Variants in RMDN3 observed in about 807,000 individuals in gnomAD.
RMDN3 encodes the protein regulator of microtubule dynamics protein 3.
In RMDN3, 41 loss-of-function variants were observed where a neutral mutation model predicts 61.8. That is an observed-to-expected ratio of 0.66 (90% CI 0.52 to 0.86). The LOEUF (loss-of-function observed/expected upper bound fraction) is 0.86. RMDN3 is among the 40% of genes least tolerant of loss of function. RMDN3 has a pLI of 0.00. For missense variants in RMDN3, 557 were observed against 585.3 expected, an observed-to-expected ratio of 0.95 and a Z score of 0.50; for synonymous variants, 247 against 232.0, an observed-to-expected ratio of 1.06 and a Z score of -0.59.
In RMDN3 at chr15:40,742,292, GCCA is replaced by G. The variant is rs1897316078; in HGVS notation, c.910+1752_910+1754del. Among the ~76,000 whole-genome samples, 3 of 151,372 alleles carry G rather than the reference GCCA, an allele frequency of 2.0e-5. No homozygotes were observed. In the South Asian group the frequency reaches 6.2e-4, roughly 31 times the overall value. On this transcript the variant is annotated intron_variant, in intron 6 of 12. Coordinates refer to ENST00000338376, the MANE Select transcript of RMDN3 (RefSeq NM_018145.3). ...CAAAGTGCTAGGATTATAGGCATGA[GCCA>G]CCACACCTGGCCACAAATGCATTCT...
intron 6 of RMDN3, among the ~76,000 whole-genome samples, chr15:40,743,475 T>C (rs1321698583): frequency 6.6e-6 from 1 of 152,002 alleles, no homozygotes; most frequent in African/African-American, 2.4e-5. Flanking sequence ...CCATTACCCA[T>C]TGATGGTACC....
chr15:40,736,888 T>G (rs1897072607), intron 12 of RMDN3, among the ~76,000 whole-genome samples: 1 of 152,160 alleles, frequency 6.6e-6, no homozygotes, highest in African/African-American at 2.4e-5. Flanking sequence ...AGTTTTGCTC[T>G]TGTTGCCGAG....
Position 40,751,523 on chromosome 15 carries a change from G to A in RMDN3, c.427C>T (p.Pro143Ser). 2 of 1,614,134 alleles carry A rather than the reference G, an allele frequency of 1.2e-6. No homozygotes were observed. The highest frequency in any genetic ancestry group is 1.7e-6 in the Non-Finnish European group (2 of 1,180,032). ...NQRVARRRRF[P>S]FVRERSDSTG... Reference sequence around the variant, plus strand: ...GAGTCACTCCTCTCCCGGACAAACGGAAACCTTCGCCGCCGAGCCACTCTC... The same window carrying A: ...GAGTCACTCCTCTCCCGGACAAACGAAAACCTTCGCCGCCGAGCCACTCTC... The change falls in exon 4 of 13, where the codon CCG becomes TCG. Residue 143 changes from proline to serine, a missense_variant. Coordinates refer to ENST00000338376, the MANE Select transcript of RMDN3 (RefSeq NM_018145.3).
rs150277172 is a variant in RMDN3, at chr15:40,745,015, G to T, written c.769C>A (p.Arg257=). The T allele has an allele frequency of 4.7e-5, 76 of 1,611,194 alleles. No homozygotes were observed. The African/African-American group carries it at 9.2e-4, about 20-fold the overall frequency. The part of the protein sequence containing the change: ...ELHRGDEQGK[R]EGFQLLLNNK... The stretch of plus-strand genomic sequence containing the variant: ...TTGAGCAGCAGCTGGAAGCCCTCCC[G>T]CTTGCCTTGCTCATCACCCCTGTGC... The change falls in exon 5 of 13, where the codon CGG becomes AGG. Residue 257 remains arginine (R), a synonymous_variant. Coordinates refer to ENST00000338376, the MANE Select transcript of RMDN3 (RefSeq NM_018145.3).
intron 6 of RMDN3, 75 bp from the exon 7 acceptor site, chr15:40,740,268 G>T: frequency 3.1e-6 from 3 of 980,256 alleles, no homozygotes; most frequent in South Asian, 2.7e-5. Context: ...TGGGAAGAAT[G>T]ACTGCTTTAG....
In RMDN3 at chr15:40,736,425, G is replaced by A; in HGVS notation, c.*116C>T. ...GGGGAGTGGTAGTGGGTAGCAGTCA[G>A]ACCCAGGAGACAGATTTGTGTGGTT... On this transcript the variant is annotated 3_prime_UTR_variant, in exon 13 of 13. Transcript: ENST00000338376. 3.4e-6 allele frequency: 3 copies of A among 884,474 alleles called. No homozygotes were observed. The highest frequency in any genetic ancestry group is 4.0e-5 in the Admixed American group (2 of 49,788). 54.8% of individuals were successfully genotyped at this position (884,474 alleles called of 1,614,324 possible).
chr15:40,736,348 G>GAGTACTGCC lies in RMDN3; in HGVS notation c.*184_*192dup. ...AGAGAACAACAGAAACGGAAGCCAT[G>GAGTACTGCC]AGTACTGCCCCAATTCTAGATTAGG... On this transcript the variant is annotated 3_prime_UTR_variant, in exon 13 of 13. Transcript: ENST00000338376. 1.8e-6 allele frequency: 1 copy of GAGTACTGCC among 542,502 alleles called. No individual in the cohort carries two copies. The highest frequency in any genetic ancestry group is 3.3e-6 in the Non-Finnish European group (1 of 306,058). 33.6% of individuals were successfully genotyped at this position (542,502 alleles called of 1,614,324 possible).
At position 40,752,012 on chromosome 15, in the gene RMDN3, A is replaced by C. The variant is rs2141926072; in HGVS notation, c.354T>G (p.Leu118=). 1 of 1,614,144 alleles carries C rather than the reference A, an allele frequency of 6.2e-7. No homozygotes were observed. The highest frequency in any genetic ancestry group is 8.5e-7 in the Non-Finnish European group (1 of 1,180,002). ...GGACCTCCCCAACAATCTCCCCCGC[A>C]AGCCCTCGCAGGCTGCTTCTCAGCT... ...VEELRSSLRG[L]AGEIVGEVRC... Residue 118 remains leucine, a synonymous_variant, in exon 3 of 13, where the codon CTT becomes CTG. Transcript: ENST00000338376.
intron 4 of RMDN3, among the ~76,000 whole-genome samples, chr15:40,746,133 G>A (rs566717792): frequency 9.2e-4 from 140 of 152,312 alleles, no homozygotes; most frequent in African/African-American, 3.4e-3. Flanking sequence ...TTGGATCTCA[G>A]CCACCAGCAG....
chr15:40,747,425 CTT>C, intron 4 of RMDN3, among the ~76,000 whole-genome samples: 1 of 152,326 alleles, frequency 6.6e-6, no homozygotes, highest in South Asian at 2.1e-4. Context: ...AGAAAGTAGA[CTT>C]TAATTGCATC....
At chr15:40,746,434 G>A (rs1051217072) in intron 4 of RMDN3, among the ~76,000 whole-genome samples, 3 of 151,204 alleles carry the variant, frequency 2.0e-5, no homozygotes, top group Admixed American at 6.6e-5. Context: ...AAGAATGGGC[G>A]TGAACCCGGG....
At chr15:40,740,075 G>T in intron 7 of RMDN3, 58 bp downstream of exon 7, 1 of 1,122,316 alleles carries the variant, frequency 8.9e-7, no homozygotes, top group Non-Finnish European at 1.3e-6. Context: ...AAAAGAAAGG[G>T]CTGTCCTCTG....
rs1336664087 is a variant in RMDN3 at position 40,737,689 on chromosome 15, G to A, written c.1163C>T (p.Thr388Ile). The change falls in exon 10 of 13, where the codon ACA (threonine) becomes ATA (isoleucine). Residue 388 changes from threonine to isoleucine, a missense_variant. Physicochemically the swap from Thr to Ile is moderately conservative, Grantham distance 89. Transcript: ENST00000338376. ...ACTGAGAGGGCTTTCAAGCAAGGCT[G>A]TAGCAGTTTTTTTTTCTAGCCAGCT... ...HLSWLEKKTA[T>I]ALLESPLSAT... The A allele has an allele frequency of 3.1e-6, 5 of 1,614,148 alleles. No individual in the cohort carries two copies. In the South Asian group the frequency reaches 5.5e-5, roughly 18 times the overall value.
At chr15:40,747,820 T>C (rs1897639532) in intron 4 of RMDN3, 1 of 152,098 alleles carries the variant, frequency 6.6e-6, no homozygotes, top group South Asian at 2.1e-4. Flanking sequence ...TCCTGGCAAT[T>C]AAGTTTCTCT....
At position 40,754,579 on chromosome 15, in the gene RMDN3, C is replaced by T. The variant is rs759850340; in HGVS notation, c.187+18G>A. The T allele has an allele frequency of 2.5e-6, 4 of 1,602,654 alleles. No homozygotes were observed. ...CATTAGTCTGCAGTGACCGCGGTCT[C>T]AGGAGACGGGCTCCTACCGTGGCGT... On this transcript the variant is annotated intron_variant, in intron 2 of 12. Coordinates refer to ENST00000338376, the MANE Select transcript of RMDN3 (RefSeq NM_018145.3).
chr15:40,742,815 G>A (rs767999811), intron 6 of RMDN3, among the ~76,000 whole-genome samples: 30 of 152,294 alleles, frequency 2.0e-4, no homozygotes, highest in Non-Finnish European at 3.8e-4. Flanking sequence ...AGAGGGAAAG[G>A]AAAGGTTGTT....
chr15:40,754,126 G>GTTTTTT (rs1194959304), intron 2 of RMDN3, among the ~76,000 whole-genome samples: 3 of 101,972 alleles, frequency 2.9e-5, no homozygotes, highest in Non-Finnish European at 3.6e-5. Context: ...AACCACGACT[G>GTTTTTT]CTTTTTTTTT....
Position 40,744,048 on chromosome 15 carries a change from A to G in RMDN3, c.909T>C (p.Asp303=). Residue 303 remains aspartate (D), a splice_region_variant and synonymous_variant, in exon 6 of 13, where the codon GAT becomes GAC. Transcript: ENST00000338376. ...EVSEKKSYAL[D]GKEEAEAALE... is the part of the protein sequence containing the mutation. The stretch of plus-strand genomic sequence containing the variant: ...CCACAGGAAGCTGTCAGCACTTACC[A>G]TCTAGGGCATATGACTTCTTCTCGC... The G allele has an allele frequency of 1.2e-6, 2 of 1,612,028 alleles. No homozygotes were observed. Among genetic ancestry groups the G allele is most frequent in the Non-Finnish European group, 1.7e-6 (2 of 1,179,222 alleles).
chr15:40,744,973 T>C lies in RMDN3; in HGVS notation c.807+4A>G. ...GAGAAGGAGACAGGCAGCTGGAGCC[T>C]CACCACCAGCTTGTTGTTGAGCAGC... On this transcript the variant is annotated splice_donor_region_variant and intron_variant, in intron 5 of 12. Transcript: ENST00000338376. 1 of 1,592,012 alleles carries C rather than the reference T, an allele frequency of 6.3e-7. No individual in the cohort carries two copies. The highest frequency in any genetic ancestry group is 8.6e-7 in the Non-Finnish European group (1 of 1,166,976).
Sources: allele counts gnomAD v4.1 joint callset (sites outside exome capture counted in the v4.1 genomes callset), GRCh38; gene constraint gnomAD v4.1.1; transcripts MANE v1.5; gene names NCBI Gene and HGNC (gene_info 2026-07-23, HGNC 2026-07-21).